NUCB2: variants seen among roughly 807,000 people sequenced by gnomAD.
NUCB2 encodes nucleobindin-2.
A neutral mutation model predicts 57.9 loss-of-function variants in NUCB2; 48 were observed. The ratio of observed to expected loss-of-function variants is 0.83; its 90% CI spans 0.66 to 1.05. NUCB2 has a LOEUF of 1.05. Ranked by LOEUF, NUCB2 falls within the 50% of genes least tolerant of loss-of-function variation. The pLI is 0.00. For missense variants in NUCB2, 442 were observed against 476.2 expected (o/e 0.93, Z 0.67); for synonymous variants, 139 against 152.1 (o/e 0.91, Z 0.64).
intron 4 of NUCB2, among the ~76,000 whole-genome samples, chr11:17,298,301 C>G (rs984502828): frequency 1.3e-5 from 2 of 151,942 alleles, no homozygotes; most frequent in African/African-American, 4.8e-5. Flanking sequence ...CACAGTGGCT[C>G]ACATTTGTAA....
At chr11:17,290,738 G>A (rs1591276313) in intron 2 of NUCB2, among the ~76,000 whole-genome samples, 1 of 152,222 alleles carries the variant, frequency 6.6e-6, no homozygotes, top group East Asian at 1.9e-4. Flanking sequence ...TCTAGTGATT[G>A]TAGAACAAGC....
intron 8 of NUCB2, among the ~76,000 whole-genome samples, chr11:17,311,580 T>C (rs1387800174): frequency 1.4e-4 from 22 of 152,216 alleles, no homozygotes; most frequent in Admixed American, 1.4e-3. Flanking sequence ...GGCTTTATAC[T>C]ATAATATTAC....
At chr11:17,288,552 C>CTTTTTTTTTTTTTTTTTTTTTTTTTTTT (rs1362783048) in intron 2 of NUCB2, among the ~76,000 whole-genome samples, 3 of 101,186 alleles carry the variant, frequency 3.0e-5, no homozygotes, top group Non-Finnish European at 5.4e-5. Flanking sequence ...TCTTCTTCTT[C>CTTTTTTTTTTTTTTTTTTTTTTTTTTTT]TTTTTTTTTT....
At chr11:17,340,683 G>A (rs1234941498) in intron 2 of NUCB2, among the ~76,000 whole-genome samples, 1 of 152,072 alleles carries the variant, frequency 6.6e-6, no homozygotes, top group Non-Finnish European at 1.5e-5. Flanking sequence ...TATTTCTGAG[G>A]GCTCTGTTCT....
At chr11:17,307,568 TA>T (rs1421971214) in intron 5 of NUCB2, among the ~76,000 whole-genome samples, 2 of 152,228 alleles carry the variant, frequency 1.3e-5, no homozygotes, top group Non-Finnish European at 2.9e-5. Flanking sequence ...CAATTAATAA[TA>T]TATTTTGAAT....
At position 17,282,043 on chromosome 11, in the gene NUCB2, T is replaced by C. The variant is rs1042237161; in HGVS notation, c.-155-746T>C. Among the ~76,000 whole-genome samples the C allele has an allele frequency of 4.6e-5, 7 of 151,542 alleles. No homozygotes were observed. The East Asian group carries it at 7.7e-4, about 17-fold the overall frequency. On this transcript the variant is annotated intron_variant, in intron 1 of 13. Coordinates refer to ENST00000529010, the MANE Select transcript of NUCB2 (RefSeq NM_005013.4). Reference sequence around the variant, plus strand: ...AATTTTTTTAAATTGGTGGTAAGAGTAAAGAAAAATTCCAGTTAAGGATTT... The same window carrying C: ...AATTTTTTTAAATTGGTGGTAAGAGCAAAGAAAAATTCCAGTTAAGGATTT...
intron 8 of NUCB2, 91 bp downstream of exon 8, chr11:17,311,374 T>C: frequency 1.1e-6 from 1 of 930,820 alleles, no homozygotes; most frequent in Non-Finnish European, 1.7e-6. Context: ...AGGTCTGCTA[T>C]TGAGTTCTAG....
At chr11:17,311,402 A>G (rs1406560678) in intron 8 of NUCB2, 119 bp downstream of exon 8, 1 of 678,600 alleles carries the variant, frequency 1.5e-6, no homozygotes, top group Non-Finnish European at 2.4e-6. Flanking sequence ...AAATGGTTAG[A>G]GTTTTTCTAG....
intron 11 of NUCB2, among the ~76,000 whole-genome samples, chr11:17,326,381 A>G (rs1190600905): frequency 1.5e-5 from 2 of 135,946 alleles, no homozygotes; most frequent in Admixed American, 1.7e-4. Flanking sequence ...GTAATGGTGC[A>G]ATCTCAGCTC....
chr11:17,283,687 T>C (rs1430987903), intron 2 of NUCB2: 3 of 152,268 alleles, frequency 2.0e-5, no homozygotes, highest in African/African-American at 7.2e-5. Context: ...AATAGATGTT[T>C]GTTGTACATT....
intron 2 of NUCB2, among the ~76,000 whole-genome samples, chr11:17,294,265 CCT>C (rs1314499589): frequency 1.3e-5 from 2 of 151,878 alleles, no homozygotes; most frequent in African/African-American, 4.8e-5. Context: ...CCTGGAACCC[CCT>C]GTTTGTTAAA....
At chr11:17,303,245 A>G (rs1376675495) in intron 5 of NUCB2, among the ~76,000 whole-genome samples, 1 of 152,178 alleles carries the variant, frequency 6.6e-6, no homozygotes, top group Admixed American at 6.5e-5. Context: ...ATTCTATTTA[A>G]TCTATTCCAG....
At chr11:17,313,028 A>T in intron 10 of NUCB2, among the ~76,000 whole-genome samples, 1 of 151,182 alleles carries the variant, frequency 6.6e-6, no homozygotes, top group Non-Finnish European at 1.5e-5. Flanking sequence ...ATTTTTTTTA[A>T]GAGACAGCAT....
chr11:17,342,226 G>A (rs1952332465), intron 2 of NUCB2, among the ~76,000 whole-genome samples: 1 of 151,784 alleles, frequency 6.6e-6, no homozygotes, highest in Non-Finnish European at 1.5e-5. Flanking sequence ...TATTTGTCTT[G>A]CTAGCGGTCT....
intron 2 of NUCB2, among the ~76,000 whole-genome samples, chr11:17,338,561 C>A (rs1194198496): frequency 6.6e-6 from 1 of 152,038 alleles, no homozygotes; most frequent in East Asian, 1.9e-4. Context: ...ATATATTTCC[C>A]AAGCCTTTCC....
chr11:17,285,279 A>C (rs1943473214), intron 2 of NUCB2, among the ~76,000 whole-genome samples: 2 of 152,040 alleles, frequency 1.3e-5, no homozygotes, highest in Admixed American at 1.3e-4. Flanking sequence ...CATACAAAAA[A>C]ATTAGCCGGG....
At chr11:17,344,450 C>T (rs571668146) in intron 2 of NUCB2, among the ~76,000 whole-genome samples, 8 of 152,266 alleles carry the variant, frequency 5.3e-5, no homozygotes, top group Admixed American at 3.3e-4. Context: ...TCTCTATATG[C>T]GCTCCCCCAT....
chr11:17,308,016 A>G (rs1043104805), intron 5 of NUCB2, among the ~76,000 whole-genome samples: 2 of 152,234 alleles, frequency 1.3e-5, no homozygotes, highest in Admixed American at 6.5e-5. Context: ...GTCTTTTTAT[A>G]TATTTCACTG....
chr11:17,300,967 CT>C (rs71047541), intron 4 of NUCB2, among the ~76,000 whole-genome samples: 1,505 of 84,388 alleles, frequency 0.018, 8 homozygotes, highest in African/African-American at 0.059. Context: ...TAAAGCTAAT[CT>C]TTTTTTTTTT....
Sources: allele counts gnomAD v4.1 joint callset (sites outside exome capture counted in the v4.1 genomes callset), GRCh38; gene constraint gnomAD v4.1.1; transcripts MANE v1.5; gene names NCBI Gene and HGNC (gene_info 2026-07-23, HGNC 2026-07-21).